Variants in ALMS1 observed in about 807,000 individuals in gnomAD.
The protein encoded by ALMS1 is centrosome-associated protein ALMS1.
In ALMS1, 271 loss-of-function variants were observed where a neutral mutation model predicts 352.2. The ratio of observed to expected loss-of-function variants is 0.77; its 90% CI spans 0.70 to 0.85. The LOEUF is 0.85. ALMS1 is among the 40% of genes least tolerant of loss of function. The pLI, the probability that ALMS1 is intolerant of heterozygous loss-of-function variation, is 0.00. For synonymous variants in ALMS1, 1,865 were observed against 1,761.2 expected, an observed-to-expected ratio of 1.06 and a Z score of -1.48; for missense variants, 5,445 against 4,870.7, an observed-to-expected ratio of 1.12 and a Z score of -3.51.
intron 1 of ALMS1, among the ~76,000 whole-genome samples, chr2:73,400,642 C>T (rs775092264): frequency 1.3e-5 from 2 of 152,114 alleles, no homozygotes; most frequent in Non-Finnish European, 2.9e-5. Flanking sequence ...TTCATTTTGT[C>T]TATTTTTGTG....
intron 16 of ALMS1, among the ~76,000 whole-genome samples, chr2:73,578,219 A>G (rs1178293392): frequency 2.6e-5 from 4 of 152,042 alleles, no homozygotes; most frequent in East Asian, 1.9e-4. Context: ...TTGGGTAACT[A>G]TTTGCATGGA....
chr2:73,586,728 T>C (rs2104148513), intron 16 of ALMS1, among the ~76,000 whole-genome samples: 1 of 152,300 alleles, frequency 6.6e-6, no homozygotes, highest in Non-Finnish European at 1.5e-5. Context: ...TTCGGCTGTG[T>C]GTGCTGTTTT....
chr2:73,416,564 A>G (rs1219209730), intron 2 of ALMS1, among the ~76,000 whole-genome samples: 1 of 152,188 alleles, frequency 6.6e-6, no homozygotes, highest in Admixed American at 6.6e-5. Context: ...TCTTGCTGGA[A>G]AATGTTTGCG....
chr2:73,387,958 G>A (rs982017604), intron 1 of ALMS1, among the ~76,000 whole-genome samples: 9 of 152,166 alleles, frequency 5.9e-5, no homozygotes, highest in South Asian at 4.1e-4. Context: ...AGGTGAAGTA[G>A]CCAGGTGTTA....
intron 10 of ALMS1, among the ~76,000 whole-genome samples, chr2:73,494,919 C>CT (rs1673072018): frequency 6.6e-6 from 1 of 152,158 alleles, no homozygotes; most frequent in African/African-American, 2.4e-5. Context: ...TGGATCTTGG[C>CT]TGTAGCAGTT....
Position 73,602,171 on chromosome 2 carries a change from T to A in ALMS1, c.12115-14T>A. On this transcript the variant is annotated splice_polypyrimidine_tract_variant and intron_variant, in intron 19 of 22. Coordinates refer to ENST00000613296, the MANE Select transcript of ALMS1 (RefSeq NM_001378454.1). ...ATCTGAGGCTGGGCATTTTCTCTTT[T>A]TTTTTTCTTTTAGGAATCGCTTCAG... The A allele has an allele frequency of 6.2e-7, 1 of 1,611,718 alleles. No homozygotes were observed. The highest frequency in any genetic ancestry group is 8.5e-7 in the Non-Finnish European group (1 of 1,178,798).
chr2:73,521,292 TG>T (rs1383418047), intron 11 of ALMS1, among the ~76,000 whole-genome samples: 1 of 152,132 alleles, frequency 6.6e-6, no homozygotes, highest in African/African-American at 2.4e-5. Flanking sequence ...CACAGGCTTA[TG>T]GGTCAATTGG....
intron 16 of ALMS1, among the ~76,000 whole-genome samples, chr2:73,598,218 T>C (rs1325588944): frequency 6.6e-6 from 1 of 152,214 alleles, no homozygotes; most frequent in Admixed American, 6.5e-5. Context: ...TTTGTTCAAA[T>C]CTAGGTATGG....
chr2:73,538,564 C>T (rs1446441841), intron 12 of ALMS1, among the ~76,000 whole-genome samples: 2 of 152,084 alleles, frequency 1.3e-5, no homozygotes, highest in African/African-American at 2.4e-5. Flanking sequence ...GCACACCGAG[C>T]GTGAGCCGAA....
At chr2:73,555,865 T>C (rs1016558062) in intron 13 of ALMS1, among the ~76,000 whole-genome samples, 2 of 152,126 alleles carry the variant, frequency 1.3e-5, no homozygotes, top group Non-Finnish European at 2.9e-5. Flanking sequence ...AAAATCATAA[T>C]ATTGAGTGAA....
chr2:73,539,459 T>G (rs998623512), intron 12 of ALMS1, among the ~76,000 whole-genome samples: 1 of 151,722 alleles, frequency 6.6e-6, no homozygotes, highest in Non-Finnish European at 1.5e-5. Context: ...ATTCTAAAAA[T>G]CGGAGCGCCT....
chr2:73,505,338 A>G (rs1420697462), intron 10 of ALMS1, among the ~76,000 whole-genome samples: 1 of 152,224 alleles, frequency 6.6e-6, no homozygotes, highest in Non-Finnish European at 1.5e-5. Context: ...ACTTCCACCA[A>G]CAGCATAAAA....
chr2:73,603,439 C>T lies in ALMS1; in HGVS notation c.12362+135C>T, dbSNP rs1228070018. 5 of 780,968 alleles carry T rather than the reference C, an allele frequency of 6.4e-6. No individual in the cohort carries two copies. In the Admixed American group the frequency reaches 1.1e-4, roughly 17 times the overall value. The allele number at this position is 780,968 out of a possible 1,614,324, so 48.4% of individuals were successfully genotyped here. On this transcript the variant is annotated intron_variant, in intron 21 of 22. Coordinates refer to ENST00000613296, the MANE Select transcript of ALMS1 (RefSeq NM_001378454.1). ...TATGAGAAAGTTGTGAGAGTCATTT[C>T]TCACTTATGGCACTGAAAAAAAAAA...
chr2:73,527,062 G>A (rs1443358063), intron 11 of ALMS1, among the ~76,000 whole-genome samples: 1 of 152,024 alleles, frequency 6.6e-6, no homozygotes, highest in African/African-American at 2.4e-5. Flanking sequence ...TGTTGATGAG[G>A]CATCACATTG....
chr2:73,493,346 TACAC>T (rs55857864), intron 10 of ALMS1, among the ~76,000 whole-genome samples: 8,718 of 144,362 alleles, frequency 0.06, 624 homozygotes, highest in African/African-American at 0.15. Flanking sequence ...TAAGGCAAAC[TACAC>T]ACACACACAC....
intron 13 of ALMS1, among the ~76,000 whole-genome samples, chr2:73,555,560 C>T (rs1219354959): frequency 6.6e-6 from 1 of 152,102 alleles, no homozygotes; most frequent in Non-Finnish European, 1.5e-5. Flanking sequence ...ATTTCTTAAT[C>T]AGGACACGCA....
At chr2:73,596,860 C>CTTTTTTTTTTT (rs70965740) in intron 16 of ALMS1, among the ~76,000 whole-genome samples, 43 of 104,246 alleles carry the variant, frequency 4.1e-4, no homozygotes, top group Admixed American at 4.9e-4. Flanking sequence ...CCCTCTACCT[C>CTTTTTTTTTTT]TTTTTTTTTT....
At chr2:73,480,109 G>T (rs1267717538) in intron 9 of ALMS1, among the ~76,000 whole-genome samples, 1 of 150,474 alleles carries the variant, frequency 6.6e-6, no homozygotes, top group Non-Finnish European at 1.5e-5. Context: ...AAGTTTTAGG[G>T]TACATGTGCA....
chr2:73,557,386 T>G, intron 14 of ALMS1, 32 bp downstream of exon 14: 1 of 1,613,482 alleles, frequency 6.2e-7, no homozygotes, highest in Non-Finnish European at 8.5e-7. Flanking sequence ...CGTATTATTT[T>G]CTTCTGGTCT....
Sources: allele counts gnomAD v4.1 joint callset (sites outside exome capture counted in the v4.1 genomes callset), GRCh38; gene constraint gnomAD v4.1.1; transcripts MANE v1.5; gene names NCBI Gene and HGNC (gene_info 2026-07-23, HGNC 2026-07-21).